KPNA7: variants seen among roughly 807,000 people sequenced by gnomAD.
The protein encoded by KPNA7 is importin subunit alpha-8.
In KPNA7, 54 loss-of-function variants were observed where a neutral mutation model predicts 53.7. That is an observed-to-expected ratio of 1.01 (90% CI 0.81 to 1.26). The LOEUF (loss-of-function observed/expected upper bound fraction) is 1.26, where lower values mean the gene tolerates loss of function less well. KPNA7 is among the 50% of genes most tolerant of loss of function. The pLI is 0.00. For synonymous variants in KPNA7, 276 were observed against 259.3 expected (o/e 1.06, Z -0.62); for missense variants, 640 against 644.5 (o/e 0.99, Z 0.07).
chr7:99,203,626 A>G (rs1584312886), intron 2 of KPNA7, among the ~76,000 whole-genome samples: 1 of 152,202 alleles, frequency 6.6e-6, no homozygotes, highest in East Asian at 1.9e-4. Flanking sequence ...GGTGGTGGCT[A>G]GGATAGATGG....
At chr7:99,171,468 G>A (rs899939151), downstream of KPNA7, among the ~76,000 whole-genome samples, 19 of 151,978 alleles carry the variant, frequency 1.3e-4, no homozygotes, top group African/African-American at 4.6e-4. Flanking sequence ...TGGAGATGGG[G>A]TCTCACTTCA....
chr7:99,198,587 T>TA lies in KPNA7; in HGVS notation c.202-2422dup, dbSNP rs992731607. The stretch of plus-strand genomic sequence containing the variant: ...AATGAAATTCAACATACTTCCATAA[T>TA]AAAAAAAAACACTCAACAAACTGGA... On this transcript the variant is annotated intron_variant, in intron 3 of 10. Coordinates refer to ENST00000327442, the MANE Select transcript of KPNA7 (RefSeq NM_001145715.3). Among the ~76,000 whole-genome samples, 122 of 150,600 alleles carry TA rather than the reference T, an allele frequency of 8.1e-4. 1 individual carries two copies. Among genetic ancestry groups the TA allele is most frequent in the South Asian group, 1.0e-3 (5 of 4,766 alleles).
At chr7:99,185,549 T>C (rs1789535905) in intron 7 of KPNA7, among the ~76,000 whole-genome samples, 3 of 151,928 alleles carry the variant, frequency 2.0e-5, no homozygotes, top group African/African-American at 7.2e-5. Flanking sequence ...GGTCTTGCTA[T>C]GTTGTCCAGG....
At chr7:99,183,843 GT>G (rs1267983323) in intron 8 of KPNA7, among the ~76,000 whole-genome samples, 3 of 152,010 alleles carry the variant, frequency 2.0e-5, no homozygotes, top group Non-Finnish European at 4.4e-5. Context: ...GAGAAATAAT[GT>G]TTTTTTGTTT....
At chr7:99,198,831 A>G (rs569349256) in intron 3 of KPNA7, among the ~76,000 whole-genome samples, 8 of 152,202 alleles carry the variant, frequency 5.3e-5, no homozygotes, top group African/African-American at 1.9e-4. Flanking sequence ...AAATAAAACT[A>G]TTTGCAAGTG....
chr7:99,151,708 C>A, the KPNA7 span, among the ~76,000 whole-genome samples: 6 of 151,988 alleles, frequency 3.9e-5, no homozygotes, highest in Non-Finnish European at 7.4e-5. Flanking sequence ...CCTCCTGCCT[C>A]AGCCTCCCAA....
rs555885248 is a variant in KPNA7 at position 99,189,468 on chromosome 7, C to T, written c.637-905G>A. On this transcript the variant is annotated intron_variant, in intron 6 of 10. Transcript: ENST00000327442. ...TTCCGCCCAGAATCATCCCTGCCCC[C>T]AAATCACTCCCACCAGTAAGGAAAC... 1.0e-3 allele frequency among the ~76,000 whole-genome samples: 158 copies of T among 152,206 alleles called. 2 individuals are homozygous for T. Among genetic ancestry groups the T allele is most frequent in the African/African-American group, 3.7e-3 (153 of 41,542 alleles).
rs1230888401 is a variant in KPNA7, at chr7:99,173,739, A to C, written c.1520T>G (p.Phe507Cys). Residue 507 changes from phenylalanine to cysteine, a missense_variant, in exon 11 of 11, where the codon TTT becomes TGT. Physicochemically the swap from Phe to Cys is radical, Grantham distance 205. Transcript: ENST00000327442. ...LSQVIDQDYEFIDYECLAKK is the reference protein window; with the variant it reads ...LSQVIDQDYECIDYECLAKK ...TTTTGCTAAGCATTCATAATCTATA[A>C]ATTCATAATCTTGGTCTATGACTTG... 6.4e-7 allele frequency: 1 copy of C among 1,551,668 alleles called. No homozygotes were observed. The highest frequency in any genetic ancestry group is 1.2e-5 in the South Asian group (1 of 83,982).
chr7:99,180,769 GTCTC>G (rs1172946182), intron 9 of KPNA7, among the ~76,000 whole-genome samples: 710 of 49,712 alleles, frequency 0.014, 128 homozygotes, highest in African/African-American at 0.059. Flanking sequence ...CCCCGTCTGT[GTCTC>G]TCTCTCTCTC....
chr7:99,166,693 G>A, the KPNA7 span, among the ~76,000 whole-genome samples: 31 of 151,982 alleles, frequency 2.0e-4, 1 homozygote, highest in Admixed American at 1.7e-3. Context: ...AATCTTGGCT[G>A]ACTGCAAGGT....
At chr7:99,194,643 G>A (rs1790134158) in intron 5 of KPNA7, among the ~76,000 whole-genome samples, 1 of 152,068 alleles carries the variant, frequency 6.6e-6, no homozygotes, top group Non-Finnish European at 1.5e-5. Flanking sequence ...TCCCTCTGTT[G>A]CCCACACTGG....
chr7:99,163,397 T>TC, the KPNA7 span, among the ~76,000 whole-genome samples: 1 of 102,190 alleles, frequency 9.8e-6, no homozygotes. Flanking sequence ...TTTTTTTTTT[T>TC]TTTTTTTTTG....
chr7:99,197,020 A>AAACAAC (rs139221110), intron 3 of KPNA7, among the ~76,000 whole-genome samples: 95 of 151,030 alleles, frequency 6.3e-4, no homozygotes, highest in African/African-American at 9.3e-4. Flanking sequence ...ATATGCTTAA[A>AAACAAC]AACAACAACA....
chr7:99,184,480 ATGT>A, intron 8 of KPNA7, among the ~76,000 whole-genome samples: 1 of 152,132 alleles, frequency 6.6e-6, no homozygotes, highest in South Asian at 2.1e-4. Context: ...TTGTTTTTCT[ATGT>A]TTAGATTTGA....
chr7:99,164,161 T>C, the KPNA7 span, among the ~76,000 whole-genome samples: 1 of 151,010 alleles, frequency 6.6e-6, no homozygotes, highest in African/African-American at 2.4e-5. Context: ...GGATTATAAA[T>C]CATGCTGCTA....
intron 8 of KPNA7, among the ~76,000 whole-genome samples, chr7:99,184,418 C>T (rs1398242565): frequency 6.6e-6 from 1 of 152,142 alleles, no homozygotes; most frequent in African/African-American, 2.4e-5. Flanking sequence ...CTGACTGGGC[C>T]TCCCAAAACG....
At chr7:99,206,291 G>A (rs145376864) in intron 2 of KPNA7, among the ~76,000 whole-genome samples, 2 of 152,010 alleles carry the variant, frequency 1.3e-5, no homozygotes, top group African/African-American at 4.8e-5. Context: ...CTCCCAAGTA[G>A]CTGGGATTAC....
chr7:99,200,103 A>C (rs1334009324), intron 3 of KPNA7, among the ~76,000 whole-genome samples: 1 of 152,182 alleles, frequency 6.6e-6, no homozygotes, highest in Non-Finnish European at 1.5e-5. Flanking sequence ...GGGTTTCACC[A>C]TGTTGGCCAG....
At chr7:99,210,646 T>C (rs1045610786), upstream of KPNA7, among the ~76,000 whole-genome samples, 2 of 152,106 alleles carry the variant, frequency 1.3e-5, no homozygotes, top group African/African-American at 4.8e-5. Context: ...GTGCAATAAA[T>C]AGTGTAATCA....
Sources: gnomAD v4.1 joint callset for allele counts (sites outside exome capture counted in the v4.1 genomes callset) on GRCh38, gnomAD v4.1.1 for gene constraint, MANE v1.5 for transcripts, NCBI Gene and HGNC (gene_info 2026-07-23, HGNC 2026-07-21) for gene names.